ARIH1: variants seen among roughly 807,000 people sequenced by gnomAD.
ARIH1 encodes E3 ubiquitin-protein ligase ARIH1.
Under a neutral mutation model 85.0 loss-of-function variants are expected in ARIH1, and 8 were observed. The ratio of observed to expected loss-of-function variants is 0.09; its 90% CI spans 0.06 to 0.17. The LOEUF (loss-of-function observed/expected upper bound fraction) is 0.17, where lower values mean the gene tolerates loss of function less well. Among genes scored for constraint, ARIH1 ranks in the 10% least tolerant of loss-of-function variants. The probability of loss-of-function intolerance (pLI) is 1.00; values close to 1 mark genes in which losing one functional copy is unlikely to be tolerated. For missense variants in ARIH1, 311 were observed against 718.1 expected (o/e 0.43, Z 6.48); for synonymous variants, 238 against 253.6 (o/e 0.94, Z 0.59).
At chr15:72,554,858 G>A (rs2140428992) in intron 3 of ARIH1, among the ~76,000 whole-genome samples, 1 of 152,142 alleles carries the variant, frequency 6.6e-6, no homozygotes, top group Admixed American at 6.5e-5. Context: ...GGCTCAGGCA[G>A]TCCTTCCACC....
chr15:72,523,023 T>C lies in ARIH1; in HGVS notation c.443+4889T>C, dbSNP rs1045955220. Among the ~76,000 whole-genome samples the C allele has an allele frequency of 3.3e-5, 5 of 152,206 alleles. No individual in the cohort carries two copies. In the East Asian group the frequency reaches 9.6e-4, roughly 29 times the overall value. On this transcript the variant is annotated intron_variant, in intron 2 of 13. Coordinates refer to ENST00000379887, the MANE Select transcript of ARIH1 (RefSeq NM_005744.5). ...GACCAGGATGTGGAGCGGTAGGAAC[T>C]CTCATCATTTCTCGTGGGAACGCAA...
intron 2 of ARIH1, among the ~76,000 whole-genome samples, chr15:72,531,145 T>G (rs538070518): frequency 4.6e-5 from 7 of 152,336 alleles, no homozygotes; most frequent in Admixed American, 1.3e-4. Context: ...CCAAAAAGAT[T>G]GAAATTTTGA....
chr15:72,500,818 A>T (rs913255283), intron 1 of ARIH1, among the ~76,000 whole-genome samples: 8 of 152,232 alleles, frequency 5.3e-5, no homozygotes, highest in Non-Finnish European at 2.9e-5. Flanking sequence ...AGAGGATTAG[A>T]AATCAGTAGT....
At position 72,475,129 on chromosome 15, in the gene ARIH1, C is replaced by T. The variant is rs1014153054; in HGVS notation, c.375+115C>T. 6.2e-6 allele frequency: 9 copies of T among 1,446,666 alleles called. No individual in the cohort carries two copies. In the African/African-American group the frequency reaches 8.8e-5, roughly 14 times the overall value. 89.6% of individuals were successfully genotyped at this position (1,446,666 alleles called of 1,614,324 possible). On this transcript the variant is annotated intron_variant, in intron 1 of 13. Coordinates refer to ENST00000379887, the MANE Select transcript of ARIH1 (RefSeq NM_005744.5). ...TGGTGCGCAGCCTAGCCCGGTGCCTCCCGGCCTTGTCTTCTCCGCTGCCTC... is the reference window on the plus strand; with the variant it reads ...TGGTGCGCAGCCTAGCCCGGTGCCTTCCGGCCTTGTCTTCTCCGCTGCCTC...
At chr15:72,555,789 C>A in intron 4 of ARIH1, 63 bp from the exon 5 acceptor site, 4 of 1,404,152 alleles carry the variant, frequency 2.8e-6, no homozygotes, top group East Asian at 2.3e-5. Flanking sequence ...AAGTGCCTGG[C>A]GATGGTAAGC....
intron 1 of ARIH1, among the ~76,000 whole-genome samples, chr15:72,507,020 G>GTATGTATT (rs1228810305): frequency 3.3e-4 from 25 of 76,472 alleles, no homozygotes; most frequent in Admixed American, 9.8e-4. Flanking sequence ...ATGTATGTAT[G>GTATGTATT]TATTTATTTA....
chr15:72,574,282 C>G (rs2064260480), intron 11 of ARIH1, among the ~76,000 whole-genome samples: 2 of 152,172 alleles, frequency 1.3e-5, no homozygotes, highest in African/African-American at 4.8e-5. Flanking sequence ...CTAGAATCTT[C>G]TATAACTGTG....
At chr15:72,496,914 T>C (rs1161044083) in intron 1 of ARIH1, 1 of 925,828 alleles carries the variant, frequency 1.1e-6, no homozygotes, top group Admixed American at 6.2e-5. Context: ...ACACACATAC[T>C]TACACACAGA....
At chr15:72,535,734 T>C (rs1482603955) in intron 2 of ARIH1, among the ~76,000 whole-genome samples, 1 of 152,208 alleles carries the variant, frequency 6.6e-6, no homozygotes, top group Non-Finnish European at 1.5e-5. Flanking sequence ...TAGATAAAAA[T>C]GTATAGCAGG....
At chr15:72,535,682 C>G (rs1305139632) in intron 2 of ARIH1, among the ~76,000 whole-genome samples, 2 of 152,088 alleles carry the variant, frequency 1.3e-5, no homozygotes, top group Non-Finnish European at 2.9e-5. Flanking sequence ...GGAATGAGAT[C>G]CACTGTTGCA....
At position 72,584,048 on chromosome 15, in the gene ARIH1, T is replaced by C. The variant is rs2064305743; in HGVS notation, c.*756T>C. 1 of 152,240 alleles carries C rather than the reference T, an allele frequency of 6.6e-6. No individual in the cohort carries two copies. The highest frequency in any genetic ancestry group is 2.1e-4 in the South Asian group (1 of 4,836). 9.4% of individuals were successfully genotyped at this position (152,240 alleles called of 1,614,324 possible). A position where few individuals can be genotyped will look rare whatever the true frequency, so the allele number is the denominator to read the frequency against. On this transcript the variant is annotated 3_prime_UTR_variant, in exon 14 of 14. Transcript: ENST00000379887. ...TGCATTTTCTTTCAGTTTGCTTATC[T>C]TTCCCGGGTTGGGGTTGGGATAAAG...
rs1381855861 is a variant in ARIH1, at chr15:72,561,566, C to T, written c.804+17C>T. 5.5e-6 allele frequency: 8 copies of T among 1,444,426 alleles called. No homozygotes were observed. The highest frequency in any genetic ancestry group is 6.7e-6 in the Non-Finnish European group (7 of 1,051,198). 89.5% of individuals were successfully genotyped at this position (1,444,426 alleles called of 1,614,324 possible). A position where few individuals can be genotyped will look rare whatever the true frequency, so the allele number is the denominator to read the frequency against. ...TTTGTAGAGGTAAGTGATTTGTTTT[C>T]CTTCTTGTAAGAAGGAATTCTGTTT... On this transcript the variant is annotated intron_variant, in intron 6 of 13. Coordinates refer to ENST00000379887, the MANE Select transcript of ARIH1 (RefSeq NM_005744.5).
At chr15:72,570,116 T>G (rs1238348595) in intron 9 of ARIH1, 61 bp from the exon 10 acceptor site, 1 of 1,580,472 alleles carries the variant, frequency 6.3e-7, no homozygotes, top group Non-Finnish European at 8.6e-7. Context: ...TGGCTTTTCC[T>G]TAATGTTAGT....
chr15:72,519,764 G>A (rs367750504), intron 2 of ARIH1, among the ~76,000 whole-genome samples: 1 of 152,060 alleles, frequency 6.6e-6, no homozygotes, highest in Non-Finnish European at 1.5e-5. Flanking sequence ...GATTACAGTT[G>A]TGAGCCACTG....
chr15:72,574,976 A>G (rs543600261), intron 11 of ARIH1, among the ~76,000 whole-genome samples: 6 of 148,882 alleles, frequency 4.0e-5, no homozygotes, highest in African/African-American at 1.5e-4. Flanking sequence ...GTGTGTGCCT[A>G]TAGTCTCAGC....
At chr15:72,486,109 T>G (rs1315046647) in intron 1 of ARIH1, among the ~76,000 whole-genome samples, 2 of 152,236 alleles carry the variant, frequency 1.3e-5, no homozygotes, top group Non-Finnish European at 2.9e-5. Context: ...TTTTAATTTT[T>G]TTTTCCCTAA....
At chr15:72,555,440 T>C in intron 4 of ARIH1, 77 bp downstream of exon 4, 2 of 979,948 alleles carry the variant, frequency 2.0e-6, no homozygotes, top group Non-Finnish European at 3.1e-6. Context: ...TTTGCACAAA[T>C]AAAAACAGGT....
At position 72,572,180 on chromosome 15, in the gene ARIH1, A is replaced by G; in HGVS notation, c.1215+15A>G. 3 of 1,566,064 alleles carry G rather than the reference A, an allele frequency of 1.9e-6. No homozygotes were observed. The highest frequency in any genetic ancestry group is 1.8e-6 in the Non-Finnish European group (2 of 1,139,490). On this transcript the variant is annotated intron_variant, in intron 11 of 13. Transcript: ENST00000379887. ...ATGCACAGGAGGTAAGTATATGTAT[A>G]ACAGGACAATAGTTGACTAAGAATG...
chr15:72,480,915 G>A (rs541215769), intron 1 of ARIH1, among the ~76,000 whole-genome samples: 152 of 152,206 alleles, frequency 1.0e-3, no homozygotes, highest in African/African-American at 3.5e-3. Context: ...TACTAGGTTG[G>A]TCCTTTTTTA....
Sources: gnomAD v4.1 joint callset for allele counts (sites outside exome capture counted in the v4.1 genomes callset) on GRCh38, gnomAD v4.1.1 for gene constraint, MANE v1.5 for transcripts, NCBI Gene and HGNC (gene_info 2026-07-23, HGNC 2026-07-21) for gene names.